The following CYP2J2 variants were observed in gnomAD, a reference collection of about 807,000 sequenced individuals.
CYP2J2 encodes the protein cytochrome P450 family 2 subfamily J member 2.
A neutral mutation model predicts 48.8 loss-of-function variants in CYP2J2; 41 were observed. The ratio of observed to expected loss-of-function variants is 0.84; its 90% CI spans 0.66 to 1.09. The LOEUF (loss-of-function observed/expected upper bound fraction) is 1.09, where lower values mean the gene tolerates loss of function less well. Among genes scored for constraint, CYP2J2 ranks in the 50% least tolerant of loss-of-function variants. CYP2J2 has a pLI of 0.00. For synonymous variants in CYP2J2, 221 were observed against 227.1 expected (o/e 0.97, Z 0.24); for missense variants, 644 against 617.3 (o/e 1.04, Z -0.46).
the CYP2J2 span, among the ~76,000 whole-genome samples, chr1:59,942,232 G>T: frequency 2.6e-5 from 4 of 152,108 alleles, no homozygotes; most frequent in Non-Finnish European, 5.9e-5. Flanking sequence ...ACTGGTGTCT[G>T]CTTGAGGTTT....
the CYP2J2 span, among the ~76,000 whole-genome samples, chr1:59,938,218 G>A: frequency 6.6e-6 from 1 of 152,200 alleles, no homozygotes; most frequent in Admixed American, 6.5e-5. Flanking sequence ...ACGAGAGACT[G>A]ATAAAAGAAA....
upstream of CYP2J2, among the ~76,000 whole-genome samples, chr1:59,930,250 C>T (rs193251999): frequency 1.3e-5 from 2 of 152,218 alleles, no homozygotes; most frequent in Admixed American, 1.3e-4. Flanking sequence ...GCTTTCAATT[C>T]TTTTGGGTGT....
At chr1:59,894,824 G>A (rs1395351122) in intron 8 of CYP2J2, among the ~76,000 whole-genome samples, 1 of 152,080 alleles carries the variant, frequency 6.6e-6, no homozygotes, top group Non-Finnish European at 1.5e-5. Flanking sequence ...TCAAAAAACA[G>A]GAGAATACAA....
chr1:59,909,417 C>G (rs1420386273), intron 5 of CYP2J2, among the ~76,000 whole-genome samples: 2 of 152,072 alleles, frequency 1.3e-5, no homozygotes, highest in Non-Finnish European at 2.9e-5. Context: ...ATAAGAGGGT[C>G]AAAGTCAGAG....
chr1:59,906,604 C>G (rs1410796138), intron 6 of CYP2J2, among the ~76,000 whole-genome samples: 1 of 152,114 alleles, frequency 6.6e-6, no homozygotes, highest in African/African-American at 2.4e-5. Flanking sequence ...TAGGCAATCA[C>G]TCTCCAGAAC....
chr1:59,904,840 A>T (rs755848585), intron 7 of CYP2J2, 31 bp downstream of exon 7: 1 of 1,591,094 alleles, frequency 6.3e-7, no homozygotes, highest in Non-Finnish European at 8.6e-7. Context: ...CTACCCCCCT[A>T]AAAGATGGGC....
At chr1:59,964,349 T>C in the CYP2J2 span, among the ~76,000 whole-genome samples, 76 of 152,320 alleles carry the variant, frequency 5.0e-4, no homozygotes, top group African/African-American at 1.8e-3. Context: ...CTAATGTCCA[T>C]AGAAGCTCAC....
At chr1:59,895,708 G>T (rs1644262821) in intron 8 of CYP2J2, among the ~76,000 whole-genome samples, 1 of 152,022 alleles carries the variant, frequency 6.6e-6, no homozygotes, top group Admixed American at 6.6e-5. Flanking sequence ...GTGCAGGTTA[G>T]TTACATATGT....
chr1:59,909,052 C>A (rs967387781), intron 5 of CYP2J2, among the ~76,000 whole-genome samples: 1 of 152,112 alleles, frequency 6.6e-6, no homozygotes, highest in African/African-American at 2.4e-5. Context: ...TTTGTGTATA[C>A]CTCCAAATAA....
the CYP2J2 span, among the ~76,000 whole-genome samples, chr1:59,951,940 C>T: frequency 3.3e-5 from 5 of 152,246 alleles, no homozygotes; most frequent in East Asian, 7.7e-4. Context: ...TCTCTGTCAT[C>T]GAAACTATGG....
At chr1:59,952,485 A>C in the CYP2J2 span, among the ~76,000 whole-genome samples, 51 of 152,258 alleles carry the variant, frequency 3.3e-4, no homozygotes, top group African/African-American at 1.2e-3. Context: ...ACAGAATGCC[A>C]GGTGAAGTTA....
intron 1 of CYP2J2, among the ~76,000 whole-genome samples, chr1:59,919,197 A>G (rs749769526): frequency 6.6e-5 from 10 of 152,156 alleles, no homozygotes; most frequent in Non-Finnish European, 1.3e-4. Context: ...TGCTGTTTCT[A>G]TATTTCTCTG....
Position 59,904,870 on chromosome 1 carries a change from C to A in CYP2J2, c.1191+1G>T. On this transcript the variant is annotated splice_donor_variant, in intron 7 of 8. Transcript: ENST00000371204. LOFTEE classifies it high-confidence loss of function. ...ATGGGCTTGAAGATCTGCTTAATTACCTTGGGCAGGTGGTACCCAGCCAAA... is the reference window on the plus strand; with the variant it reads ...ATGGGCTTGAAGATCTGCTTAATTAACTTGGGCAGGTGGTACCCAGCCAAA... 6.2e-7 allele frequency: 1 copy of A among 1,612,458 alleles called. No individual in the cohort carries two copies. Among genetic ancestry groups the A allele is most frequent in the Non-Finnish European group, 8.5e-7 (1 of 1,179,472 alleles).
At chr1:59,946,384 AT>A in the CYP2J2 span, among the ~76,000 whole-genome samples, 1 of 152,044 alleles carries the variant, frequency 6.6e-6, no homozygotes, top group Non-Finnish European at 1.5e-5. Context: ...CTCAATAAGA[AT>A]TTTTTCTGAC....
chr1:59,907,898 A>G lies in CYP2J2; in HGVS notation c.891T>C (p.His297=). The stretch of plus-strand genomic sequence containing the variant: ...GGGTGCTGCAGATGAGGTTTTCTTC[A>G]TGGAAACTTGAAGTAGGATTGCCTG... The part of the protein sequence containing the change: ...KHTGNPTSSF[H]EENLICSTLD... The change falls in exon 6 of 9, where the codon CAT becomes CAC. Residue 297 remains histidine, a synonymous_variant. Transcript: ENST00000371204. The G allele has an allele frequency of 6.2e-7, 1 of 1,614,148 alleles. No homozygotes were observed. Among genetic ancestry groups the G allele is most frequent in the South Asian group, 1.1e-5 (1 of 91,078 alleles).
chr1:59,893,924 G>T, intron 8 of CYP2J2, 95 bp from the exon 9 acceptor site: 1 of 1,246,286 alleles, frequency 8.0e-7, no homozygotes, highest in South Asian at 1.7e-5. Context: ...AAAAAATGGA[G>T]CAGAGGAAGG....
intron 2 of CYP2J2, among the ~76,000 whole-genome samples, chr1:59,915,132 T>G (rs955915183): frequency 6.6e-5 from 10 of 152,216 alleles, no homozygotes; most frequent in African/African-American, 1.9e-4. Flanking sequence ...TTCTCCCCAC[T>G]ATCACTCTGC....
the CYP2J2 span, among the ~76,000 whole-genome samples, chr1:59,960,241 T>C: frequency 6.6e-6 from 1 of 152,250 alleles, no homozygotes; most frequent in African/African-American, 2.4e-5. Context: ...TTAACTATCA[T>C]AGTGAATGAC....
At chr1:59,954,853 G>A in the CYP2J2 span, among the ~76,000 whole-genome samples, 1 of 151,990 alleles carries the variant, frequency 6.6e-6, no homozygotes, top group South Asian at 2.1e-4. Context: ...TATTTAAAAT[G>A]TAGCCAGGCA....
Sources: gnomAD v4.1 joint callset for allele counts (sites outside exome capture counted in the v4.1 genomes callset) on GRCh38, gnomAD v4.1.1 for gene constraint, MANE v1.5 for transcripts, NCBI Gene and HGNC (gene_info 2026-07-23, HGNC 2026-07-21) for gene names.